The following CDH1 variants were observed in gnomAD, a reference collection of about 807,000 sequenced individuals.
CDH1 encodes cadherin-1.
CDH1 carries 35 observed loss-of-function variants against 84.5 expected under a neutral mutation model. That is an observed-to-expected ratio of 0.41 (90% CI 0.32 to 0.55). CDH1 has a LOEUF of 0.55. CDH1 is among the 20% of genes least tolerant of loss of function. The pLI is 0.19. For missense variants in CDH1, 994 were observed against 1,126.6 expected, an observed-to-expected ratio of 0.88 and a Z score of 1.68; for synonymous variants, 417 against 439.0, an observed-to-expected ratio of 0.95 and a Z score of 0.63.
chr16:68,795,807 C>T (rs1393671739), intron 2 of CDH1, among the ~76,000 whole-genome samples: 1 of 151,246 alleles, frequency 6.6e-6, no homozygotes, highest in African/African-American at 2.4e-5. Context: ...GTTCTCTGAT[C>T]TTGTCCTCCA....
In CDH1 at chr16:68,779,067, C is replaced by A. The variant is rs574614059; in HGVS notation, c.164-22603C>A. Among the ~76,000 whole-genome samples, 5 of 152,316 alleles carry A rather than the reference C, an allele frequency of 3.3e-5. 1 individual carries two copies. Among genetic ancestry groups the A allele is most frequent in the African/African-American group, 1.2e-4 (5 of 41,580 alleles). On this transcript the variant is annotated intron_variant, in intron 2 of 15. Coordinates refer to ENST00000261769, the MANE Select transcript of CDH1 (RefSeq NM_004360.5). ...CCTATCACCTGCCAAGGTGTTGAGT[C>A]AACTTATTTACAGTGCTCAGAGCCA...
chr16:68,800,371 T>TC (rs1960465791), intron 2 of CDH1, among the ~76,000 whole-genome samples: 2 of 152,032 alleles, frequency 1.3e-5, no homozygotes, highest in Admixed American at 1.3e-4. Context: ...ATCTGTTACT[T>TC]CCCCTCTCAC....
intron 2 of CDH1, among the ~76,000 whole-genome samples, chr16:68,739,995 C>A (rs1337340273): frequency 2.0e-5 from 3 of 152,142 alleles, no homozygotes; most frequent in East Asian, 1.9e-4. Flanking sequence ...TACTTCTAGG[C>A]CTTATCGTTG....
intron 2 of CDH1, among the ~76,000 whole-genome samples, chr16:68,760,086 ATT>A (rs56019300): frequency 0.092 from 11,138 of 121,420 alleles, 329 homozygotes; most frequent in African/African-American, 0.17. Flanking sequence ...ATATATATAT[ATT>A]TTTTTTTTTT....
At chr16:68,790,875 C>T (rs1960188656) in intron 2 of CDH1, among the ~76,000 whole-genome samples, 1 of 152,092 alleles carries the variant, frequency 6.6e-6, no homozygotes, top group Non-Finnish European at 1.5e-5. Context: ...CTGAGTGAGG[C>T]TGTTAATCAA....
At position 68,823,565 on chromosome 16, in the gene CDH1, C is replaced by G. The variant is rs730881656; in HGVS notation, c.2103C>G (p.Val701=). Residue 701 remains valine (V), a synonymous_variant, in exon 13 of 16, where the codon GTC becomes GTG. Coordinates refer to ENST00000261769, the MANE Select transcript of CDH1 (RefSeq NM_004360.5). The stretch of plus-strand genomic sequence containing the variant: ...GCGTCTGTAGGAAGGCACAGCCTGT[C>G]GAAGCAGGATTGCAAATTCCTGCCA... ...AAGVCRKAQP[V]EAGLQIPAIL... 1 of 1,613,846 alleles carries G rather than the reference C, an allele frequency of 6.2e-7. No individual in the cohort carries two copies. The highest frequency in any genetic ancestry group is 1.1e-5 in the South Asian group (1 of 91,078).
intron 3 of CDH1, among the ~76,000 whole-genome samples, chr16:68,807,025 G>A (rs1960684100): frequency 6.6e-6 from 1 of 152,148 alleles, no homozygotes; most frequent in African/African-American, 2.4e-5. Context: ...GTTTTTATGT[G>A]GAGGGTGAGA....
At chr16:68,746,733 A>G (rs1962755407) in intron 2 of CDH1, among the ~76,000 whole-genome samples, 1 of 152,084 alleles carries the variant, frequency 6.6e-6, no homozygotes, top group African/African-American at 2.4e-5. Flanking sequence ...GGATCACTTG[A>G]GGTCAGGAGT....
At chr16:68,812,991 G>T (rs1960880810) in intron 8 of CDH1, among the ~76,000 whole-genome samples, 1 of 152,190 alleles carries the variant, frequency 6.6e-6, no homozygotes, top group South Asian at 2.1e-4. Context: ...AGTGAGCCGA[G>T]ATTGTACCAT....
Position 68,737,407 on chromosome 16 carries a change from C to A in CDH1, c.-9C>A. ...GGCGCCTGCCCTCGCTCGGCGTCCCCGGCCAGCCATGGGCCCTTGGAGCCG... is the reference window on the plus strand; with the variant it reads ...GGCGCCTGCCCTCGCTCGGCGTCCCAGGCCAGCCATGGGCCCTTGGAGCCG... On this transcript the variant is annotated 5_prime_UTR_variant, in exon 1 of 16. Coordinates refer to ENST00000261769, the MANE Select transcript of CDH1 (RefSeq NM_004360.5). The A allele has an allele frequency of 6.5e-7, 1 of 1,531,066 alleles. No individual in the cohort carries two copies. The highest frequency in any genetic ancestry group is 1.2e-5 in the South Asian group (1 of 83,568). 94.8% of individuals were successfully genotyped at this position (1,531,066 alleles called of 1,614,324 possible).
At position 68,810,442 on chromosome 16, in the gene CDH1, C is replaced by A. The variant is rs903967783; in HGVS notation, c.832+101C>A. On this transcript the variant is annotated intron_variant, in intron 6 of 15. Transcript: ENST00000261769. ...CAAAGGTTGTGTAACTAAAGCTGAT[C>A]CTTCCTACGGACAGAACTTCTTGGC... 6.2e-6 allele frequency: 7 copies of A among 1,131,192 alleles called. No individual in the cohort carries two copies. In the African/African-American group the frequency reaches 7.6e-5, roughly 12 times the overall value. 70.1% of individuals were successfully genotyped at this position (1,131,192 alleles called of 1,614,324 possible).
intron 10 of CDH1, among the ~76,000 whole-genome samples, chr16:68,818,623 C>T (rs1193212183): frequency 2.0e-5 from 3 of 147,856 alleles, no homozygotes; most frequent in African/African-American, 7.5e-5. Flanking sequence ...CCGAGACGTG[C>T]GGATCATGAG....
At chr16:68,802,310 C>T (rs1960538521) in intron 3 of CDH1, among the ~76,000 whole-genome samples, 1 of 152,184 alleles carries the variant, frequency 6.6e-6, no homozygotes, top group Non-Finnish European at 1.5e-5. Context: ...CGTCACCTGT[C>T]TATGCTTGAG....
intron 13 of CDH1, among the ~76,000 whole-genome samples, chr16:68,824,014 T>TTTTTTA (rs1961250757): frequency 6.7e-6 from 1 of 148,792 alleles, no homozygotes; most frequent in African/African-American, 2.5e-5. Context: ...TTTTTTTTTT[T>TTTTTTA]GAGATGGAGT....
chr16:68,748,188 C>T (rs1962798164), intron 2 of CDH1, among the ~76,000 whole-genome samples: 1 of 150,672 alleles, frequency 6.6e-6, no homozygotes. Flanking sequence ...TCTCGGCTCA[C>T]CGCAACCTCC....
chr16:68,756,194 T>A (rs1191707754), intron 2 of CDH1, among the ~76,000 whole-genome samples: 1 of 151,546 alleles, frequency 6.6e-6, no homozygotes, highest in Non-Finnish European at 1.5e-5. Flanking sequence ...TACTTTGGAA[T>A]CTCACCTTCA....
intron 8 of CDH1, among the ~76,000 whole-genome samples, chr16:68,812,993 T>C (rs1015995012): frequency 6.6e-6 from 1 of 152,188 alleles, no homozygotes; most frequent in African/African-American, 2.4e-5. Context: ...TGAGCCGAGA[T>C]TGTACCATTG....
chr16:68,760,157 T>C (rs1452617880), intron 2 of CDH1, among the ~76,000 whole-genome samples: 1 of 148,384 alleles, frequency 6.7e-6, no homozygotes, highest in Non-Finnish European at 1.5e-5. Context: ...TAGAGTGCAA[T>C]GGTGCGCTCT....
rs1138534 is a variant in CDH1, at chr16:68,833,601, G to A, written c.*102G>A. ...CCTTCCCTTGAGATGAGTTTCTGGG[G>A]AAAAAAAAGAGACTGGTTAGTGATG... On this transcript the variant is annotated 3_prime_UTR_variant, in exon 16 of 16. Transcript: ENST00000261769. 1.2e-6 allele frequency: 1 copy of A among 855,330 alleles called. No homozygotes were observed. The highest frequency in any genetic ancestry group is 1.9e-5 in the Admixed American group (1 of 51,312). The allele number at this position is 855,330 out of a possible 1,614,324, so 53.0% of individuals were successfully genotyped here.
Sources: allele counts gnomAD v4.1 joint callset (sites outside exome capture counted in the v4.1 genomes callset), GRCh38; gene constraint gnomAD v4.1.1; transcripts MANE v1.5; gene names NCBI Gene and HGNC (gene_info 2026-07-23, HGNC 2026-07-21).